The following EXOC6 variants were observed in gnomAD, a reference collection of about 807,000 sequenced individuals.
EXOC6 encodes exocyst complex component 6.
In EXOC6, 60 loss-of-function variants were observed where a neutral mutation model predicts 112.5. That is an observed-to-expected ratio of 0.53 (90% confidence interval 0.43 to 0.66). EXOC6 has a LOEUF of 0.66. Among genes scored for constraint, EXOC6 ranks in the 30% least tolerant of loss-of-function variants. The probability of loss-of-function intolerance (pLI) is 0.00; values close to 1 mark genes in which losing one functional copy is unlikely to be tolerated. For missense variants in EXOC6, 855 were observed against 957.1 expected (o/e 0.89, Z 1.41); for synonymous variants, 295 against 308.0 (o/e 0.96, Z 0.44).
intron 1 of EXOC6, among the ~76,000 whole-genome samples, chr10:92,892,802 A>T (rs1324660583): frequency 6.6e-6 from 1 of 152,160 alleles, no homozygotes; most frequent in Admixed American, 6.6e-5. Flanking sequence ...TGAGAATATG[A>T]ACCCTGGAGC....
chr10:93,016,055 A>T (rs78445682), intron 20 of EXOC6, among the ~76,000 whole-genome samples: 2,300 of 152,272 alleles, frequency 0.015, 53 homozygotes, highest in African/African-American at 0.052. Context: ...AATAAAAAAA[A>T]TTTTATTTTT....
Position 92,893,474 on chromosome 10 carries a change from C to G in EXOC6, c.227C>G (p.Ala76Gly), listed in dbSNP as rs771722053. Residue 76 changes from alanine (A) to glycine (G), a missense_variant, in exon 2 of 22, where the codon GCT (alanine) becomes GGT (glycine). This residue lies in a region of EXOC6 where 405 missense variants were observed against 393.6 expected (regional missense o/e 1.03). Coordinates refer to ENST00000260762, the MANE Select transcript of EXOC6 (RefSeq NM_019053.6). ...TTTCATCATCAGGGTTTTGTAGATG[C>G]TATTACAGAACTCCTTAAAGTAAGG... ...CNFHHQGFVDAITELLKVRTD... is the reference protein window; with the variant it reads ...CNFHHQGFVDGITELLKVRTD... The G allele has an allele frequency of 3.1e-6, 5 of 1,612,244 alleles. No individual in the cohort carries two copies. The Admixed American group carries it at 5.0e-5, about 16-fold the overall frequency.
At chr10:92,893,661 T>C (rs908185010) in intron 2 of EXOC6, 141 bp downstream of exon 2, 1 of 642,402 alleles carries the variant, frequency 1.6e-6, no homozygotes, top group African/African-American at 1.8e-5. Context: ...ATGCTCTTTA[T>C]GCTCTATTAA....
At chr10:92,966,273 G>A (rs1339803240) in intron 17 of EXOC6, among the ~76,000 whole-genome samples, 2 of 115,860 alleles carry the variant, frequency 1.7e-5, no homozygotes, top group African/African-American at 3.5e-5. Flanking sequence ...TAGAAAGCAT[G>A]TAATTATAAT....
At chr10:92,930,074 C>G (rs61862289) in intron 9 of EXOC6, among the ~76,000 whole-genome samples, 3,342 of 152,318 alleles carry the variant, frequency 0.022, 56 homozygotes, top group African/African-American at 0.041. Flanking sequence ...GACCTGAAAA[C>G]TATTATCAGC....
intron 1 of EXOC6, among the ~76,000 whole-genome samples, chr10:92,873,920 G>A (rs1038910344): frequency 2.0e-5 from 3 of 151,948 alleles, no homozygotes; most frequent in Non-Finnish European, 4.4e-5. Context: ...AGGTGTGTTG[G>A]TACATGCTTG....
chr10:92,949,217 G>T (rs1405685799), intron 14 of EXOC6, among the ~76,000 whole-genome samples: 1 of 151,980 alleles, frequency 6.6e-6, no homozygotes, highest in African/African-American at 2.4e-5. Flanking sequence ...TTCAGCATGA[G>T]CAAGACCAAA....
In EXOC6 at chr10:92,894,852, G is replaced by T; in HGVS notation, c.321+11G>T. On this transcript the variant is annotated intron_variant, in intron 3 of 21. Transcript: ENST00000260762. ...GATGCTGGAAAAGAGGTGAGAAAAT[G>T]ATACTTTTCTGGGTATTCAGTATGT... The T allele has an allele frequency of 1.2e-6, 2 of 1,612,584 alleles. No individual in the cohort carries two copies. The highest frequency in any genetic ancestry group is 8.5e-7 in the Non-Finnish European group (1 of 1,178,916).
At chr10:92,963,213 A>C (rs1037663659) in intron 17 of EXOC6, among the ~76,000 whole-genome samples, 3 of 152,156 alleles carry the variant, frequency 2.0e-5, no homozygotes, top group Non-Finnish European at 2.9e-5. Context: ...TGTGTTTTGA[A>C]TGTATATTCT....
At chr10:92,869,401 T>C (rs1848333218) in intron 1 of EXOC6, among the ~76,000 whole-genome samples, 1 of 151,992 alleles carries the variant, frequency 6.6e-6, no homozygotes. Context: ...CTCAAATTCC[T>C]GGGCTTAAGG....
At chr10:93,038,040 CAAAAAAAAAAAA>C (rs1156726278) in intron 20 of EXOC6, among the ~76,000 whole-genome samples, 1 of 26,580 alleles carries the variant, frequency 3.8e-5, no homozygotes, top group Non-Finnish European at 6.8e-5. Flanking sequence ...ACTCCGTCTC[CAAAAAAAAAAAA>C]AAAAAAAAAA....
intron 19 of EXOC6, among the ~76,000 whole-genome samples, chr10:93,012,907 G>A (rs745872579): frequency 2.0e-5 from 3 of 152,106 alleles, no homozygotes; most frequent in Non-Finnish European, 4.4e-5. Flanking sequence ...CATTAGCCAA[G>A]TGTGGAGATG....
chr10:92,836,271 C>T (rs1286682984), intron 1 of EXOC6, among the ~76,000 whole-genome samples: 2 of 152,222 alleles, frequency 1.3e-5, no homozygotes, highest in African/African-American at 4.8e-5. Flanking sequence ...AACCTGTCGG[C>T]TAGTCTGTCT....
upstream of EXOC6, among the ~76,000 whole-genome samples, chr10:92,847,494 A>G (rs1180114511): frequency 6.6e-6 from 1 of 152,190 alleles, no homozygotes; most frequent in Non-Finnish European, 1.5e-5. Context: ...CAGCTGGATA[A>G]AGAGCTTGGT....
intron 1 of EXOC6, among the ~76,000 whole-genome samples, chr10:92,829,041 T>C (rs756558798): frequency 9.2e-5 from 14 of 152,076 alleles, no homozygotes; most frequent in Non-Finnish European, 1.9e-4. Flanking sequence ...GCTAGAAGCT[T>C]GCGCGGGTAG....
At chr10:92,891,210 A>G (rs1158399031) in intron 1 of EXOC6, among the ~76,000 whole-genome samples, 1 of 152,164 alleles carries the variant, frequency 6.6e-6, no homozygotes, top group Non-Finnish European at 1.5e-5. Context: ...ATTTTCGGAC[A>G]TATTTGAGGT....
At chr10:92,896,181 ATTTTTTTTTTTTTT>A (rs58783356) in intron 4 of EXOC6, among the ~76,000 whole-genome samples, 829 of 10,120 alleles carry the variant, frequency 0.082, 38 homozygotes, top group East Asian at 0.12. Flanking sequence ...ATATATATAT[ATTTTTTTTTTTTTT>A]TTTTTTTTTT....
intron 1 of EXOC6, among the ~76,000 whole-genome samples, chr10:92,870,741 G>T (rs1259010427): frequency 6.7e-6 from 1 of 148,392 alleles, no homozygotes; most frequent in Non-Finnish European, 1.5e-5. Flanking sequence ...ATGGAGTCTC[G>T]CTCTGTCACC....
intron 9 of EXOC6, among the ~76,000 whole-genome samples, 179 bp from the exon 10 acceptor site, chr10:92,933,965 C>T (rs559479951): frequency 6.6e-6 from 1 of 152,190 alleles, no homozygotes; most frequent in South Asian, 2.1e-4. Context: ...TTCGAATGTA[C>T]GTTCCATGAG....
Sources: allele counts gnomAD v4.1 joint callset (sites outside exome capture counted in the v4.1 genomes callset), GRCh38; gene constraint gnomAD v4.1.1; regional missense constraint gnomAD v4.1.1; transcripts MANE v1.5; gene names NCBI Gene and HGNC (gene_info 2026-07-23, HGNC 2026-07-21).